The following ZDHHC8 variants were observed in gnomAD, a reference collection of about 807,000 sequenced individuals.
ZDHHC8 encodes zDHHC palmitoyltransferase 8, also known as palmitoyltransferase ZDHHC8.
A neutral mutation model predicts 61.2 loss-of-function variants in ZDHHC8; 24 were observed. That is an observed-to-expected ratio of 0.39 (90% confidence interval 0.28 to 0.55). The LOEUF (loss-of-function observed/expected upper bound fraction) is 0.55, where lower values mean the gene tolerates loss of function less well. Among genes scored for constraint, ZDHHC8 ranks in the 20% least tolerant of loss-of-function variants. The pLI is 0.60. For synonymous variants in ZDHHC8, 523 were observed against 492.5 expected (o/e 1.06, Z -0.82); for missense variants, 935 against 1,102.1 (o/e 0.85, Z 2.15).
At chr22:20,132,169 C>T in intron 1 of ZDHHC8, 118 bp downstream of exon 1, 3 of 523,934 alleles carry the variant, frequency 5.7e-6, no homozygotes, top group East Asian at 1.6e-4. Context: ...GCGGGCGGGG[C>T]GCCGGCTGCA....
chr22:20,138,648 A>T (rs1341085013), intron 1 of ZDHHC8, among the ~76,000 whole-genome samples: 1 of 151,988 alleles, frequency 6.6e-6, no homozygotes, highest in African/African-American at 2.4e-5. Context: ...CTGGGGAGGG[A>T]GGTGACAAAC....
At chr22:20,133,454 C>T (rs1208944760) in intron 1 of ZDHHC8, among the ~76,000 whole-genome samples, 2 of 152,110 alleles carry the variant, frequency 1.3e-5, no homozygotes, top group African/African-American at 4.8e-5. Context: ...GTGGGCCGGG[C>T]GCGGTGGCTC....
intron 5 of ZDHHC8, 160 bp downstream of exon 5, chr22:20,140,377 C>A: frequency 1.2e-6 from 1 of 815,980 alleles, no homozygotes; most frequent in Non-Finnish European, 1.9e-6. Flanking sequence ...CTACGCCTGC[C>A]CCGTCCCCTG....
rs201737088 is a variant in ZDHHC8 at position 20,143,349 on chromosome 22, C to G, written c.1719C>G (p.Phe573Leu). 1 of 1,585,722 alleles carries G rather than the reference C, an allele frequency of 6.3e-7. No individual in the cohort carries two copies. Among genetic ancestry groups the G allele is most frequent in the African/African-American group, 1.3e-5 (1 of 74,554 alleles). The change falls in exon 10 of 11, where the codon TTC (phenylalanine) becomes TTG (leucine). Residue 573 changes from phenylalanine to leucine, a missense_variant. This residue lies in a region of ZDHHC8 where 692 missense variants were observed against 731.4 expected (regional missense o/e 0.95). Coordinates refer to ENST00000334554, the MANE Select transcript of ZDHHC8 (RefSeq NM_013373.4). ...TGCGCTCCCAGGCCGACTCACTCTTCGGCGACTCAGGCGTCTATGACGCTC... is the reference window on the plus strand; with the variant it reads ...TGCGCTCCCAGGCCGACTCACTCTTGGGCGACTCAGGCGTCTATGACGCTC... Reference protein sequence around the residue: ...RLLRSQADSLFGDSGVYDAPS... With the variant: ...RLLRSQADSLLGDSGVYDAPS...
intron 1 of ZDHHC8, 74 bp from the exon 2 acceptor site, chr22:20,139,120 G>A (rs1433543390): frequency 2.9e-5 from 44 of 1,536,130 alleles, no homozygotes; most frequent in Non-Finnish European, 3.3e-5. Flanking sequence ...CCAGCCTGCC[G>A]CACCACATAG....
At position 20,147,111 on chromosome 22, in the gene ZDHHC8, G is replaced by A. The variant is rs779733093; in HGVS notation, c.*1711G>A. 9.8e-6 allele frequency: 15 copies of A among 1,532,676 alleles called. No individual in the cohort carries two copies. The highest frequency in any genetic ancestry group is 2.5e-5 in the East Asian group (1 of 39,438). The allele number at this position is 1,532,676 out of a possible 1,614,324, so 94.9% of individuals were successfully genotyped here. On this transcript the variant is annotated 3_prime_UTR_variant, in exon 11 of 11. Coordinates refer to ENST00000334554, the MANE Select transcript of ZDHHC8 (RefSeq NM_013373.4). ...TGCACCTGTGCCACCTTGGCCGCCC[G>A]GAGGACCGCCCACCACTGCGGGCCC...
intron 1 of ZDHHC8, among the ~76,000 whole-genome samples, chr22:20,138,985 C>G (rs185085470): frequency 3.3e-5 from 5 of 152,296 alleles, no homozygotes; most frequent in African/African-American, 1.2e-4. Context: ...CACGGGTAGC[C>G]CACATGCTGT....
chr22:20,132,615 C>G (rs1310013178), intron 1 of ZDHHC8, among the ~76,000 whole-genome samples: 2 of 152,254 alleles, frequency 1.3e-5, no homozygotes, highest in Non-Finnish European at 2.9e-5. Context: ...GTCATCACAG[C>G]TGGAGGGCCC....
intron 9 of ZDHHC8, 48 bp downstream of exon 9, chr22:20,141,578 G>A (rs769464851): frequency 2.3e-5 from 35 of 1,494,654 alleles, no homozygotes; most frequent in South Asian, 1.1e-4. Flanking sequence ...CCCCAGGCCC[G>A]CCTCTAGGAG....
chr22:20,134,959 TCTCA>T (rs903322087), intron 1 of ZDHHC8, among the ~76,000 whole-genome samples: 1 of 152,000 alleles, frequency 6.6e-6, no homozygotes, highest in Non-Finnish European at 1.5e-5. Context: ...TGAGACAGGG[TCTCA>T]CTCTGTCACC....
Position 20,141,213 on chromosome 22 carries a change from C to T in ZDHHC8, c.895-4C>T. The T allele has an allele frequency of 6.2e-7, 1 of 1,610,324 alleles. No homozygotes were observed. The highest frequency in any genetic ancestry group is 8.5e-7 in the Non-Finnish European group (1 of 1,178,880). The stretch of plus-strand genomic sequence containing the variant: ...CACACACCACTGACCCCGCTCCCTC[C>T]CAGTCCAAGGGCAGCCTGGACCGGC... On this transcript the variant is annotated splice_region_variant and splice_polypyrimidine_tract_variant and intron_variant, in intron 7 of 10. Coordinates refer to ENST00000334554, the MANE Select transcript of ZDHHC8 (RefSeq NM_013373.4).
In ZDHHC8 at chr22:20,140,185, C is replaced by T; in HGVS notation, c.628C>T (p.Leu210=). 5 of 1,613,350 alleles carry T rather than the reference C, an allele frequency of 3.1e-6. No homozygotes were observed. The highest frequency in any genetic ancestry group is 4.2e-6 in the Non-Finnish European group (5 of 1,180,000). ...TGGCCTCACTGGCTTCCATGTGGTG[C>T]TGGTCACTCGGGGGCGCACCACCAA... The part of the protein sequence containing the change: ...VIGLTGFHVV[L]VTRGRTTNEQ... Residue 210 remains leucine, a synonymous_variant, in exon 5 of 11, where the codon CTG becomes TTG. Coordinates refer to ENST00000334554, the MANE Select transcript of ZDHHC8 (RefSeq NM_013373.4).
At chr22:20,142,636 ATG>A in intron 9 of ZDHHC8, 118 bp from the exon 10 acceptor site, 1 of 1,324,090 alleles carries the variant, frequency 7.6e-7, no homozygotes, top group East Asian at 2.5e-5. Context: ...TGTGGCTCTT[ATG>A]GCTCCTTGAG....
At chr22:20,136,873 G>A (rs1427942653) in intron 1 of ZDHHC8, among the ~76,000 whole-genome samples, 2 of 152,214 alleles carry the variant, frequency 1.3e-5, no homozygotes, top group South Asian at 2.1e-4. Context: ...GCATGTTTGT[G>A]TGTGTGTCCA....
At position 20,141,017 on chromosome 22, in the gene ZDHHC8, G is replaced by A; in HGVS notation, c.894+5G>A. On this transcript the variant is annotated splice_donor_5th_base_variant and intron_variant, in intron 7 of 10. Transcript: ENST00000334554. The stretch of plus-strand genomic sequence containing the variant: ...GCTGGCCTGGGCCGTAGCAAGGTGG[G>A]CGCCTGGGCTTAGGGATGGGCTGGC... 6.2e-7 allele frequency: 1 copy of A among 1,610,540 alleles called. No individual in the cohort carries two copies. Among genetic ancestry groups the A allele is most frequent in the Non-Finnish European group, 8.5e-7 (1 of 1,179,924 alleles).
rs1432941673 is a variant in ZDHHC8 at position 20,143,220 on chromosome 22, C to G, written c.1590C>G (p.Gly530=). The G allele has an allele frequency of 6.2e-7, 1 of 1,607,520 alleles. No homozygotes were observed. Among genetic ancestry groups the G allele is most frequent in the Admixed American group, 1.7e-5 (1 of 59,962 alleles). ...CCCGCAGCTTCAGCCCCGTGCTGGG[C>G]CCCCGCCCCCGGGAGCCCTCGCCTG... ...PLPRSFSPVL[G]PRPREPSPVR... is the part of the protein sequence containing the mutation. Residue 530 remains glycine (G), a synonymous_variant, in exon 10 of 11, where the codon GGC becomes GGG. Transcript: ENST00000334554.
chr22:20,132,743 C>T (rs1398228204), intron 1 of ZDHHC8, among the ~76,000 whole-genome samples: 1 of 152,268 alleles, frequency 6.6e-6, no homozygotes, highest in Non-Finnish European at 1.5e-5. Context: ...CTGCAGGACA[C>T]TGGGCCCCTC....
chr22:20,142,372 T>A (rs1483997282), intron 9 of ZDHHC8, among the ~76,000 whole-genome samples: 1 of 152,208 alleles, frequency 6.6e-6, no homozygotes, highest in Non-Finnish European at 1.5e-5. Context: ...ACATTTGCCC[T>A]GATCCACTTC....
At chr22:20,132,694 G>C (rs2050387618) in intron 1 of ZDHHC8, among the ~76,000 whole-genome samples, 1 of 152,254 alleles carries the variant, frequency 6.6e-6, no homozygotes, top group African/African-American at 2.4e-5. Flanking sequence ...TGCACACCAG[G>C]ACCCTTGAGG....
Sources: allele counts gnomAD v4.1 joint callset (sites outside exome capture counted in the v4.1 genomes callset), GRCh38; gene constraint gnomAD v4.1.1; regional missense constraint gnomAD v4.1.1; transcripts MANE v1.5; gene names NCBI Gene and HGNC (gene_info 2026-07-23, HGNC 2026-07-21).